Variants in BAZ1B observed in about 807,000 individuals in gnomAD.
The protein encoded by BAZ1B is bromodomain adjacent to zinc finger domain 1B.
Under a neutral mutation model 153.8 loss-of-function variants are expected in BAZ1B, and 22 were observed. That is an observed-to-expected ratio of 0.14 (90% CI 0.10 to 0.20). BAZ1B has a LOEUF of 0.20. Ranked by LOEUF, BAZ1B falls within the 10% of genes least tolerant of loss-of-function variation. The pLI, the probability that BAZ1B is intolerant of heterozygous loss-of-function variation, is 1.00. For missense variants in BAZ1B, 1,325 were observed against 1,799.3 expected, an observed-to-expected ratio of 0.74 and a Z score of 4.77; for synonymous variants, 676 against 633.4, an observed-to-expected ratio of 1.07 and a Z score of -1.01.
At chr7:73,489,796 G>C (rs1319043584) in intron 5 of BAZ1B, among the ~76,000 whole-genome samples, 3 of 152,176 alleles carry the variant, frequency 2.0e-5, no homozygotes. Flanking sequence ...CTATCTGAGA[G>C]ACAGAAAACG....
Position 73,444,037 on chromosome 7 carries a change from T to C in BAZ1B, c.3937A>G (p.Arg1313Gly), listed in dbSNP as rs782070252. ...RRPGKKPHST[R>G]RSQPKAPPVD... ...GGTGGTGCCTTGGGCTGAGACCTCC[T>C]GGTAGAGTGTGGCTTCTTACCCGGG... The change falls in exon 17 of 20, where the codon AGG (arginine) becomes GGG (glycine). Residue 1313 changes from arginine to glycine, a missense_variant. This residue lies in a region of BAZ1B where 271 missense variants were observed against 337.2 expected (regional missense o/e 0.80). Coordinates refer to ENST00000339594, the MANE Select transcript of BAZ1B (RefSeq NM_032408.4). The C allele has an allele frequency of 6.2e-7, 1 of 1,613,932 alleles. No homozygotes were observed. Among genetic ancestry groups the C allele is most frequent in the African/African-American group, 1.3e-5 (1 of 75,062 alleles).
chr7:73,456,663 T>C (rs1476964938), intron 13 of BAZ1B, among the ~76,000 whole-genome samples: 1 of 151,960 alleles, frequency 6.6e-6, no homozygotes, highest in Admixed American at 6.6e-5. Context: ...TGGCAAAGGC[T>C]GGGCGTGGTG....
chr7:73,487,475 C>CA (rs1554574628), intron 6 of BAZ1B, among the ~76,000 whole-genome samples: 1 of 152,058 alleles, frequency 6.6e-6, no homozygotes, highest in Non-Finnish European at 1.5e-5. Flanking sequence ...TTAGGAAACT[C>CA]AAAAAATATT....
At position 73,478,343 on chromosome 7, in the gene BAZ1B, A is replaced by G. The variant is rs1381495633; in HGVS notation, c.1118T>C (p.Met373Thr). 4.3e-6 allele frequency: 7 copies of G among 1,612,688 alleles called. No homozygotes were observed. In the Admixed American group the frequency reaches 1.2e-4, roughly 27 times the overall value. ...EEHLEEMMKMMSPNKLHTNFH... is the reference protein window; with the variant it reads ...EEHLEEMMKMTSPNKLHTNFH... Reference sequence around the variant, plus strand: ...GTTAGTGTGCAGCTTATTGGGCGACATCATCTTCATCATTTCTTCTAGATG... The same window carrying G: ...GTTAGTGTGCAGCTTATTGGGCGACGTCATCTTCATCATTTCTTCTAGATG... Residue 373 changes from methionine to threonine, a missense_variant, in exon 7 of 20, where the codon ATG becomes ACG. Met to Thr is a moderately conservative substitution (Grantham distance 81). Coordinates refer to ENST00000339594, the MANE Select transcript of BAZ1B (RefSeq NM_032408.4).
chr7:73,478,428 A>C lies in BAZ1B; in HGVS notation c.1033T>G (p.Ser345Ala), dbSNP rs1041332446. The change falls in exon 7 of 20, where the codon TCA becomes GCA. Residue 345 changes from serine (S) to alanine (A), a missense_variant. Physicochemically the swap from Ser to Ala is moderately conservative, Grantham distance 99 (BLOSUM62 1). Transcript: ENST00000339594. ...ACTTTGAGTGGCGAGCCACTCAATG[A>C]CTTCTTCAAGTGTACGTGACACCAT... ...KLWCHVHLKK[S>A]LSGSPLKVKN... is the part of the protein sequence containing the mutation. 2 of 1,613,066 alleles carry C rather than the reference A, an allele frequency of 1.2e-6. No homozygotes were observed. Among genetic ancestry groups the C allele is most frequent in the African/African-American group, 1.3e-5 (1 of 74,930 alleles).
chr7:73,490,294 A>G (rs1226388728), intron 5 of BAZ1B, among the ~76,000 whole-genome samples: 9 of 152,248 alleles, frequency 5.9e-5, no homozygotes, highest in Admixed American at 5.9e-4. Flanking sequence ...ACAGATGTTT[A>G]GCACACAATA....
intron 3 of BAZ1B, among the ~76,000 whole-genome samples, chr7:73,508,005 A>C (rs189877816): frequency 1.5e-4 from 22 of 151,510 alleles, no homozygotes; most frequent in Admixed American, 6.6e-4. Flanking sequence ...AAATACAAAA[A>C]ACTAGCCGGG....
chr7:73,442,136 T>TGCCCC, intron 19 of BAZ1B, 45 bp downstream of exon 19: 1 of 573,492 alleles, frequency 1.7e-6, no homozygotes, highest in Non-Finnish European at 3.2e-6. Flanking sequence ...CTCGCTCGCC[T>TGCCCC]CCCTCCCACC....
In BAZ1B at chr7:73,450,819, C is replaced by T; in HGVS notation, c.3580+28G>A. ...TAGAAATCCTACTCCCTAATATACCCACATAAGCAAATTTGATTTAAATAT... is the reference window on the plus strand; with the variant it reads ...TAGAAATCCTACTCCCTAATATACCTACATAAGCAAATTTGATTTAAATAT... On this transcript the variant is annotated intron_variant, in intron 14 of 19. Transcript: ENST00000339594. The surrounding 1 kb of genome is among the most constrained non-coding windows in gnomAD (Gnocchi z 4.1). 1 of 1,611,762 alleles carries T rather than the reference C, an allele frequency of 6.2e-7. No individual in the cohort carries two copies. The highest frequency in any genetic ancestry group is 8.5e-7 in the Non-Finnish European group (1 of 1,178,176).
At chr7:73,459,761 AG>A in intron 12 of BAZ1B, 43 bp from the exon 13 acceptor site, 1 of 1,528,324 alleles carries the variant, frequency 6.5e-7, no homozygotes, top group African/African-American at 1.4e-5. Context: ...AAAGGCCCAG[AG>A]GAAGACGAAA....
intron 1 of BAZ1B, among the ~76,000 whole-genome samples, chr7:73,519,793 GA>G (rs60522859): frequency 0.067 from 10,136 of 152,200 alleles, 411 homozygotes; most frequent in Middle Eastern, 0.12. Flanking sequence ...CCAGACCTGA[GA>G]AAGTATCATC....
At chr7:73,449,716 T>C (rs781792184) in intron 14 of BAZ1B, 27 bp from the exon 15 acceptor site, 8 of 1,611,650 alleles carry the variant, frequency 5.0e-6, no homozygotes, top group South Asian at 1.1e-5. Flanking sequence ...GTGAATAGCA[T>C]TGTTGGGAGC....
chr7:73,443,683 C>T (rs1554565624), intron 17 of BAZ1B, among the ~76,000 whole-genome samples: 1 of 152,192 alleles, frequency 6.6e-6, no homozygotes, highest in Non-Finnish European at 1.5e-5. Flanking sequence ...AATGAAGACC[C>T]AGCCCCTCTG....
chr7:73,445,543 T>C (rs1787801863), intron 16 of BAZ1B, among the ~76,000 whole-genome samples: 1 of 152,114 alleles, frequency 6.6e-6, no homozygotes. Flanking sequence ...AGCTTACAAA[T>C]AAACAGAATC....
intron 3 of BAZ1B, among the ~76,000 whole-genome samples, chr7:73,506,881 CTTT>C (rs782216219): frequency 2.4e-5 from 3 of 123,252 alleles, no homozygotes; most frequent in Admixed American, 8.3e-5. Context: ...GTCTTAAAGT[CTTT>C]TTTTTTTTTT....
chr7:73,447,423 A>T, intron 15 of BAZ1B, 44 bp from the exon 16 acceptor site: 1 of 1,572,740 alleles, frequency 6.4e-7, no homozygotes, highest in Non-Finnish European at 8.6e-7. Flanking sequence ...TTTTAGCCCA[A>T]AGTGGTCCTA....
At chr7:73,471,944 TACAA>T (rs1297091097) in intron 7 of BAZ1B, among the ~76,000 whole-genome samples, 15 of 149,848 alleles carry the variant, frequency 1.0e-4, no homozygotes, top group African/African-American at 3.2e-4. Context: ...CTCCCAAGAC[TACAA>T]ACAAACATAA....
chr7:73,482,025 C>A (rs1554573764), intron 6 of BAZ1B, among the ~76,000 whole-genome samples: 3 of 152,128 alleles, frequency 2.0e-5, no homozygotes. Context: ...GGAGAAAGAG[C>A]GAGACTCTGT....
intron 13 of BAZ1B, among the ~76,000 whole-genome samples, chr7:73,451,207 G>A (rs1412317096): frequency 6.6e-6 from 1 of 152,098 alleles, no homozygotes; most frequent in East Asian, 1.9e-4. Context: ...GGATGACTGG[G>A]GACAAGCATC....
Sources: allele counts gnomAD v4.1 joint callset (sites outside exome capture counted in the v4.1 genomes callset), GRCh38; gene constraint gnomAD v4.1.1; regional missense constraint gnomAD v4.1.1; non-coding constraint Gnocchi (gnomAD v3.1); transcripts MANE v1.5; gene names NCBI Gene and HGNC (gene_info 2026-07-23, HGNC 2026-07-21).